Variants in KLC1 observed in about 807,000 individuals in gnomAD.
KLC1 encodes kinesin 2 60/70kDa.
Under a neutral mutation model 84.2 loss-of-function variants are expected in KLC1, and 30 were observed. That is an observed-to-expected ratio of 0.36 (90% CI 0.27 to 0.48). The LOEUF (loss-of-function observed/expected upper bound fraction) is 0.48, where lower values mean the gene tolerates loss of function less well. KLC1 is among the 20% of genes least tolerant of loss of function. The pLI is 0.99. For missense variants in KLC1, 499 were observed against 805.4 expected (o/e 0.62, Z 4.60); for synonymous variants, 289 against 293.3 (o/e 0.99, Z 0.15).
intron 15 of KLC1, chr14:103,696,089 TGCGCCCCC>T (rs1301670250): frequency 5.1e-6 from 4 of 791,888 alleles, no homozygotes; most frequent in African/African-American, 3.2e-5. Context: ...AAATAATCAC[TGCGCCCCC>T]GCCCCCCGCC....
intron 1 of KLC1, among the ~76,000 whole-genome samples, chr14:103,647,568 G>T (rs762754229): frequency 6.6e-6 from 1 of 151,894 alleles, no homozygotes; most frequent in Non-Finnish European, 1.5e-5. Context: ...TTTCCAAAAG[G>T]CAGGTAAGCC....
At chr14:103,684,933 C>G in intron 13 of KLC1, 3 of 763,792 alleles carry the variant, frequency 3.9e-6, no homozygotes, top group Non-Finnish European at 7.0e-6. Context: ...GTTTTCTTGT[C>G]CTCCCCACAT....
intron 4 of KLC1, 38 bp from the exon 5 acceptor site, chr14:103,662,664 C>T: frequency 6.8e-7 from 1 of 1,462,842 alleles, no homozygotes; most frequent in Non-Finnish European, 9.2e-7. Context: ...GGATAATTGT[C>T]TTTAAAAACC....
intron 1 of KLC1, among the ~76,000 whole-genome samples, chr14:103,634,231 C>T (rs566822355): frequency 6.6e-6 from 1 of 152,084 alleles, no homozygotes; most frequent in Non-Finnish European, 1.5e-5. Flanking sequence ...ACATTCATAA[C>T]CTCCACAAGG....
chr14:103,685,831 A>G (rs905763320), intron 13 of KLC1: 6 of 1,191,792 alleles, frequency 5.0e-6, no homozygotes, highest in Non-Finnish European at 6.4e-6. Context: ...TTCTGTATAC[A>G]TGTAGCTTTG....
Position 103,692,370 on chromosome 14 carries a change from C to T in KLC1, c.1793C>T (p.Ala598Val). The change falls in exon 15 of 17, where the codon GCC becomes GTC. Residue 598 changes from alanine (A) to valine (V), a missense_variant. This residue lies in a region of KLC1 where 167 missense variants were observed against 208.8 expected (regional missense o/e 0.80). Coordinates refer to ENST00000334553, the MANE Select transcript of KLC1 (RefSeq NM_001394837.1). ...SEPKNPGMKR[A>V]SSLNVLNVGG... ...TGTCCGGGTTGCAGCATGAAGCGTG[C>T]CAGCTCTCTGAATGTCCTTAACGTG... is the stretch of plus-strand genomic sequence containing the variant. 2.0e-6 allele frequency: 3 copies of T among 1,536,672 alleles called. No individual in the cohort carries two copies. Among genetic ancestry groups the T allele is most frequent in the Non-Finnish European group, 2.6e-6 (3 of 1,147,028 alleles).
At position 103,687,341 on chromosome 14, in the gene KLC1, C is replaced by T. The variant is rs927279700; in HGVS notation, c.1781+130C>T. 1.9e-5 allele frequency: 18 copies of T among 943,214 alleles called. No individual in the cohort carries two copies. In the African/African-American group the frequency reaches 2.3e-4, roughly 12 times the overall value. The allele number at this position is 943,214 out of a possible 1,614,324, so 58.4% of individuals were successfully genotyped here. A position where few individuals can be genotyped will look rare whatever the true frequency, so the allele number is the denominator to read the frequency against. ...CAGTTGGTTCCCGTATTCTCACAAC[C>T]GAAGGGTTTCATAGTTGCCACGTAG... On this transcript the variant is annotated intron_variant, in intron 14 of 16. Transcript: ENST00000334553.
intron 13 of KLC1, chr14:103,685,740 T>G: frequency 7.8e-7 from 1 of 1,288,434 alleles, no homozygotes; most frequent in Non-Finnish European, 1.0e-6. Flanking sequence ...TAGCAGCCTC[T>G]AGGATCTTGT....
intron 15 of KLC1, chr14:103,695,409 C>A: frequency 1.0e-6 from 1 of 978,128 alleles, no homozygotes; most frequent in Non-Finnish European, 1.2e-6. Context: ...AGAAGCCAAC[C>A]CCCCCCAAAA....
At chr14:103,659,043 T>C (rs2079064551) in intron 3 of KLC1, among the ~76,000 whole-genome samples, 2 of 151,972 alleles carry the variant, frequency 1.3e-5, no homozygotes, top group South Asian at 4.1e-4. Flanking sequence ...AATGGCGCGA[T>C]CTTGGCTCAC....
intron 1 of KLC1, among the ~76,000 whole-genome samples, chr14:103,637,859 C>A (rs760571325): frequency 6.6e-6 from 1 of 152,208 alleles, no homozygotes; most frequent in South Asian, 2.1e-4. Flanking sequence ...CCACCATGAC[C>A]GGCTTGTTTT....
intron 11 of KLC1, among the ~76,000 whole-genome samples, chr14:103,676,515 C>T (rs1033895533): frequency 2.0e-5 from 3 of 152,174 alleles, no homozygotes; most frequent in Non-Finnish European, 2.9e-5. Flanking sequence ...ATCCACCCGC[C>T]TCGGCCTCCC....
At chr14:103,631,084 ATTT>A (rs370301801) in intron 1 of KLC1, among the ~76,000 whole-genome samples, 1 of 143,838 alleles carries the variant, frequency 7.0e-6, no homozygotes, top group Non-Finnish European at 1.5e-5. Context: ...AAACTTACAC[ATTT>A]TTTTTTTTTT....
intron 1 of KLC1, among the ~76,000 whole-genome samples, chr14:103,647,007 T>C (rs771004047): frequency 1.3e-5 from 2 of 152,196 alleles, no homozygotes; most frequent in Non-Finnish European, 2.9e-5. Context: ...CTGGTGTTTT[T>C]GTCAGAGCTG....
At chr14:103,662,322 G>T in intron 4 of KLC1, 128 bp downstream of exon 4, 1 of 799,912 alleles carries the variant, frequency 1.3e-6, no homozygotes. Flanking sequence ...CACCAGAGCG[G>T]GGTTGCCTTT....
intron 6 of KLC1, 64 bp downstream of exon 6, chr14:103,669,662 A>C: frequency 8.8e-7 from 1 of 1,138,700 alleles, no homozygotes; most frequent in Non-Finnish European, 1.3e-6. Context: ...TCTTTTATCC[A>C]ACTCATTTTA....
At chr14:103,634,294 A>G (rs1449282831) in intron 1 of KLC1, among the ~76,000 whole-genome samples, 1 of 152,132 alleles carries the variant, frequency 6.6e-6, no homozygotes, top group Non-Finnish European at 1.5e-5. Context: ...TGTAATAGGA[A>G]CTTAGTAAAT....
chr14:103,693,548 T>C lies in KLC1; in HGVS notation c.1848+1123T>C, dbSNP rs894549341. 9.1e-6 allele frequency: 14 copies of C among 1,536,008 alleles called. No homozygotes were observed. The highest frequency in any genetic ancestry group is 2.4e-5 in the South Asian group (2 of 84,068). On this transcript the variant is annotated intron_variant, in intron 15 of 16. Coordinates refer to ENST00000334553, the MANE Select transcript of KLC1 (RefSeq NM_001394837.1). This position sits in a 1 kb window ranked among gnomAD's most constrained non-coding sequence, Gnocchi z 5.1. The stretch of plus-strand genomic sequence containing the variant: ...TGTAATTTTTCTATTTGTTTTTTCA[T>C]GCAGGAACGAAATAATTGTCTGGCC...
At chr14:103,677,391 T>C in intron 11 of KLC1, 24 bp from the exon 12 acceptor site, 1 of 1,364,926 alleles carries the variant, frequency 7.3e-7, no homozygotes, top group Non-Finnish European at 1.0e-6. Flanking sequence ...GTCATAGTTC[T>C]GTATGTCATG....
Sources: allele counts gnomAD v4.1 joint callset (sites outside exome capture counted in the v4.1 genomes callset), GRCh38; gene constraint gnomAD v4.1.1; regional missense constraint gnomAD v4.1.1; non-coding constraint Gnocchi (gnomAD v3.1); transcripts MANE v1.5; gene names NCBI Gene and HGNC (gene_info 2026-07-23, HGNC 2026-07-21).